GRM7: variants seen among roughly 807,000 people sequenced by gnomAD.
GRM7 encodes the protein metabotropic glutamate receptor 7.
GRM7 carries 35 observed loss-of-function variants against 84.5 expected under a neutral mutation model. That is an observed-to-expected ratio of 0.41 (90% CI 0.32 to 0.55). GRM7 has a LOEUF of 0.55. GRM7 is among the 20% of genes least tolerant of loss of function. The pLI is 0.19. For missense variants in GRM7, 1,003 were observed against 1,194.6 expected, an observed-to-expected ratio of 0.84 and a Z score of 2.36; for synonymous variants, 487 against 455.1, an observed-to-expected ratio of 1.07 and a Z score of -0.89.
intron 5 of GRM7, among the ~76,000 whole-genome samples, chr3:7,422,633 T>C (rs1210971922): frequency 6.6e-6 from 1 of 152,220 alleles, no homozygotes; most frequent in Non-Finnish European, 1.5e-5. Flanking sequence ...TTTTTGTATA[T>C]GGCATATGTT....
chr3:7,232,373 G>T lies in GRM7; in HGVS notation c.737-66311G>T, dbSNP rs571413357. Among the ~76,000 whole-genome samples the T allele has an allele frequency of 2.7e-4, 41 of 152,272 alleles. No homozygotes were observed. The South Asian group carries it at 6.2e-3, about 23-fold the overall frequency. Reference sequence around the variant, plus strand: ...ATGAGACTGTTGTCATGGGAGTTGAGATACCATAAAGAGCTGGAAAGACCC... The same window carrying T: ...ATGAGACTGTTGTCATGGGAGTTGATATACCATAAAGAGCTGGAAAGACCC... On this transcript the variant is annotated intron_variant, in intron 2 of 9. Transcript: ENST00000357716.
chr3:7,305,004 G>C (rs1284292560), intron 3 of GRM7, among the ~76,000 whole-genome samples: 2 of 152,084 alleles, frequency 1.3e-5, no homozygotes, highest in Non-Finnish European at 2.9e-5. Flanking sequence ...AATCAGATTG[G>C]CCATTCCATC....
chr3:6,989,446 T>C (rs539969993), intron 1 of GRM7, among the ~76,000 whole-genome samples: 4 of 152,242 alleles, frequency 2.6e-5, no homozygotes, highest in Non-Finnish European at 5.9e-5. Flanking sequence ...TTCTATTTTG[T>C]ATTCTGTATT....
chr3:6,983,258 C>T (rs968901407), intron 1 of GRM7, among the ~76,000 whole-genome samples: 5 of 152,146 alleles, frequency 3.3e-5, no homozygotes, highest in African/African-American at 7.2e-5. Flanking sequence ...TTGCCAAGTT[C>T]GTTAATGCAG....
intron 1 of GRM7, among the ~76,000 whole-genome samples, chr3:6,996,768 C>T (rs1326564261): frequency 1.3e-5 from 2 of 152,098 alleles, no homozygotes; most frequent in African/African-American, 4.8e-5. Context: ...TGATTTCTTT[C>T]TTCCTGTAAA....
At chr3:7,477,435 C>T (rs1698966550) in intron 7 of GRM7, among the ~76,000 whole-genome samples, 1 of 152,160 alleles carries the variant, frequency 6.6e-6, no homozygotes, top group Non-Finnish European at 1.5e-5. Flanking sequence ...CTCTTCAACC[C>T]TGACGCAAAC....
chr3:6,919,197 ATTATT>A (rs1223300971), intron 1 of GRM7, among the ~76,000 whole-genome samples: 3 of 151,736 alleles, frequency 2.0e-5, no homozygotes, highest in African/African-American at 7.3e-5. Context: ...ATTTTATTTT[ATTATT>A]TTATTTTATT....
At chr3:7,389,943 G>A (rs1378396464) in intron 4 of GRM7, among the ~76,000 whole-genome samples, 4 of 152,018 alleles carry the variant, frequency 2.6e-5, no homozygotes, top group Non-Finnish European at 5.9e-5. Flanking sequence ...AGTATTGATT[G>A]CTTGTGCAGT....
At chr3:7,599,113 TA>T (rs1238293466) in intron 8 of GRM7, among the ~76,000 whole-genome samples, 2 of 152,160 alleles carry the variant, frequency 1.3e-5, no homozygotes, top group East Asian at 3.8e-4. Context: ...GTGACCTTCC[TA>T]GGGGCCTGTC....
intron 1 of GRM7, among the ~76,000 whole-genome samples, chr3:7,064,505 C>CACATATACATATATATATATACATATAT (rs1553612672): frequency 3.0e-5 from 3 of 101,008 alleles, no homozygotes; most frequent in Non-Finnish European, 6.2e-5. Context: ...TATATATACA[C>CACATATACATATATATATATACATATAT]ATATATATAT....
intron 7 of GRM7, among the ~76,000 whole-genome samples, chr3:7,549,203 A>C (rs1343362248): frequency 2.0e-5 from 3 of 152,252 alleles, no homozygotes; most frequent in African/African-American, 7.2e-5. Flanking sequence ...TCAATACATT[A>C]AATTAAAAGC....
chr3:7,706,878 A>C (rs329044), intron 9 of GRM7, among the ~76,000 whole-genome samples: 10,344 of 152,156 alleles, frequency 0.068, 518 homozygotes, highest in African/African-American at 0.14. Context: ...CCTAAATCGC[A>C]TGGTCACTAT....
chr3:7,587,677 A>G (rs942017442), intron 8 of GRM7, among the ~76,000 whole-genome samples: 1 of 152,318 alleles, frequency 6.6e-6, no homozygotes, highest in Admixed American at 6.5e-5. Flanking sequence ...CTCATTGCTT[A>G]TAAGTAATGG....
At chr3:7,357,161 A>G (rs1193053034) in intron 4 of GRM7, among the ~76,000 whole-genome samples, 1 of 151,958 alleles carries the variant, frequency 6.6e-6, no homozygotes, top group Non-Finnish European at 1.5e-5. Flanking sequence ...CTAGGACTAT[A>G]AAGGTTCTGT....
At chr3:7,527,085 G>T (rs768226916) in intron 7 of GRM7, among the ~76,000 whole-genome samples, 1 of 151,904 alleles carries the variant, frequency 6.6e-6, no homozygotes, top group Non-Finnish European at 1.5e-5. Context: ...AATTTGATAG[G>T]AATAGCATTG....
At chr3:7,362,996 C>T (rs966512219) in intron 4 of GRM7, among the ~76,000 whole-genome samples, 15 of 151,990 alleles carry the variant, frequency 9.9e-5, no homozygotes, top group Non-Finnish European at 2.9e-5. Context: ...GTGGTACATG[C>T]CTGTAGTCCC....
chr3:7,487,049 A>T (rs1699348218), intron 7 of GRM7, among the ~76,000 whole-genome samples: 1 of 152,204 alleles, frequency 6.6e-6, no homozygotes. Flanking sequence ...GGAGTATCTT[A>T]TTGGGATTTG....
chr3:7,379,089 T>A (rs1694477891), intron 4 of GRM7, among the ~76,000 whole-genome samples: 1 of 152,218 alleles, frequency 6.6e-6, no homozygotes, highest in African/African-American at 2.4e-5. Context: ...TTACTTTTTT[T>A]GAAGATGGAG....
chr3:7,209,426 A>T (rs562773531), intron 2 of GRM7, among the ~76,000 whole-genome samples: 16 of 152,318 alleles, frequency 1.1e-4, no homozygotes, highest in Admixed American at 9.8e-4. Flanking sequence ...ATGAATAAGG[A>T]CATAAGAGAA....
Sources: allele counts gnomAD v4.1 joint callset (sites outside exome capture counted in the v4.1 genomes callset), GRCh38; gene constraint gnomAD v4.1.1; transcripts MANE v1.5; gene names NCBI Gene and HGNC (gene_info 2026-07-23, HGNC 2026-07-21).